The following NOL4L variants were observed in gnomAD, a reference collection of about 807,000 sequenced individuals.
The protein encoded by NOL4L is nucleolar protein 4 like, also known as nucleolar protein 4-like.
A neutral mutation model predicts 64.5 loss-of-function variants in NOL4L; 7 were observed. The observed-to-expected ratio is 0.11, with a 90% CI of 0.06 to 0.20. The LOEUF (loss-of-function observed/expected upper bound fraction) is 0.20, where lower values mean the gene tolerates loss of function less well. Ranked by LOEUF, NOL4L falls within the 10% of genes least tolerant of loss-of-function variation. The probability of loss-of-function intolerance (pLI) is 1.00; values close to 1 mark genes in which losing one functional copy is unlikely to be tolerated. For missense variants in NOL4L, 680 were observed against 967.1 expected, an observed-to-expected ratio of 0.70 and a Z score of 3.94; for synonymous variants, 413 against 401.0, an observed-to-expected ratio of 1.03 and a Z score of -0.36.
At chr20:32,474,834 G>T in intron 4 of NOL4L, 92 bp from the exon 5 acceptor site, 1 of 1,466,240 alleles carries the variant, frequency 6.8e-7, no homozygotes, top group Non-Finnish European at 9.1e-7. Flanking sequence ...GCCAGTGGGC[G>T]TTTGGGAGTG....
intron 6 of NOL4L, among the ~76,000 whole-genome samples, chr20:32,455,027 G>A (rs1468247876): frequency 2.0e-5 from 3 of 152,226 alleles, no homozygotes; most frequent in Admixed American, 6.5e-5. Context: ...GCAGGATGCC[G>A]AGGGCCCCCG....
rs1215758023 is a variant in NOL4L, at chr20:32,520,669, C to T, written c.589+142G>A. 14 of 467,628 alleles carry T rather than the reference C, an allele frequency of 3.0e-5. No homozygotes were observed. In the South Asian group the frequency reaches 5.7e-4, roughly 19 times the overall value. The allele number at this position is 467,628 out of a possible 1,614,324, so 29.0% of individuals were successfully genotyped here. On this transcript the variant is annotated intron_variant, in intron 3 of 10. Coordinates refer to ENST00000621426, the MANE Select transcript of NOL4L (RefSeq NM_001256798.2). ...AAACAAAACAAGGCGCTTTGGGCAG[C>T]ACCACGGACCCATACTGGCCTCTGG...
chr20:32,547,064 T>C (rs1188472431), intron 1 of NOL4L, among the ~76,000 whole-genome samples: 2 of 152,192 alleles, frequency 1.3e-5, no homozygotes, highest in Non-Finnish European at 2.9e-5. Flanking sequence ...CTGCCTTCCT[T>C]CTCTGTAACA....
intron 1 of NOL4L, among the ~76,000 whole-genome samples, chr20:32,555,363 G>C (rs1978585133): frequency 6.6e-6 from 1 of 152,082 alleles, no homozygotes; most frequent in Non-Finnish European, 1.5e-5. Flanking sequence ...ACAGGCTGGA[G>C]TGCAGTGCTC....
chr20:32,477,773 G>A (rs1024253801), intron 4 of NOL4L, among the ~76,000 whole-genome samples: 1 of 152,190 alleles, frequency 6.6e-6, no homozygotes, highest in Non-Finnish European at 1.5e-5. Context: ...CACAGCCAGG[G>A]TTTCTCTGGC....
rs10692885 is a variant in NOL4L at position 32,499,738 on chromosome 20, C to CAAAAAAAAA, written c.699+11600_699+11608dup. On this transcript the variant is annotated intron_variant, in intron 4 of 10. Transcript: ENST00000621426. Reference sequence around the variant, plus strand: ...TGGGCAACAGAGGGAGACCTTGTCTCAAAAAAAAAAAAAAAAAAAAAAGGA... The same window carrying CAAAAAAAAA: ...TGGGCAACAGAGGGAGACCTTGTCTCAAAAAAAAAAAAAAAAAAAAAAAAAAAAAAAGGA... Among the ~76,000 whole-genome samples, 278 of 51,274 alleles carry CAAAAAAAAA rather than the reference C, an allele frequency of 5.4e-3. 15 individuals carry two copies. The highest frequency in any genetic ancestry group is 0.018 in the African/African-American group (215 of 11,822). The allele number at this position is 51,274 out of a possible 152,430, so 33.6% of individuals were successfully genotyped here.
At chr20:32,531,917 G>A (rs187853652) in intron 1 of NOL4L, among the ~76,000 whole-genome samples, 1 of 152,252 alleles carries the variant, frequency 6.6e-6, no homozygotes, top group Admixed American at 6.5e-5. Context: ...CAGAAGAGAT[G>A]CACAGTCTTA....
chr20:32,509,864 C>T (rs1208931589), intron 4 of NOL4L: 1 of 1,304,262 alleles, frequency 7.7e-7, no homozygotes, highest in South Asian at 1.2e-5. Context: ...CGGTTTTGTG[C>T]TTCATTCTTC....
intron 1 of NOL4L, among the ~76,000 whole-genome samples, chr20:32,569,908 T>C (rs1237201413): frequency 6.6e-6 from 1 of 152,190 alleles, no homozygotes; most frequent in Non-Finnish European, 1.5e-5. Context: ...AACAAATCAA[T>C]GAATGAATGG....
chr20:32,578,767 C>A (rs1382419315), intron 1 of NOL4L, among the ~76,000 whole-genome samples: 1 of 152,200 alleles, frequency 6.6e-6, no homozygotes, highest in East Asian at 1.9e-4. Context: ...GCTACTTGCC[C>A]GTGGTCATGT....
intron 4 of NOL4L, chr20:32,475,247 C>T: frequency 1.0e-6 from 1 of 985,464 alleles, no homozygotes; most frequent in Non-Finnish European, 1.2e-6. Flanking sequence ...TTCTCCCACT[C>T]CCCCAGCCCA....
intron 4 of NOL4L, among the ~76,000 whole-genome samples, chr20:32,509,432 C>T (rs1437147217): frequency 5.5e-5 from 8 of 144,960 alleles, no homozygotes; most frequent in Non-Finnish European, 1.0e-4. Context: ...GCAGGAGAAT[C>T]ACTTGAACCC....
intron 4 of NOL4L, among the ~76,000 whole-genome samples, chr20:32,488,747 T>TCCTTCCTTCCTTCCTTCCTTCC (rs2016211280): frequency 9.4e-6 from 1 of 106,806 alleles, no homozygotes; most frequent in Admixed American, 9.9e-5. Flanking sequence ...CTTTCTTTCT[T>TCCTTCCTTCCTTCCTTCCTTCC]TTCCTTCCTT....
At chr20:32,527,529 C>A (rs1448640684) in intron 2 of NOL4L, among the ~76,000 whole-genome samples, 1 of 152,132 alleles carries the variant, frequency 6.6e-6, no homozygotes, top group East Asian at 1.9e-4. Context: ...CTCCCTCTCA[C>A]CCCCTTCAAC....
At chr20:32,475,131 C>A (rs1368115986) in intron 4 of NOL4L, 5 of 985,346 alleles carry the variant, frequency 5.1e-6, no homozygotes, top group Non-Finnish European at 6.0e-6. Flanking sequence ...GACCCGGCGG[C>A]AAGAAGCGGG....
At chr20:32,448,442 G>A (rs578115848) in intron 10 of NOL4L, among the ~76,000 whole-genome samples, 2 of 152,344 alleles carry the variant, frequency 1.3e-5, no homozygotes, top group African/African-American at 4.8e-5. Flanking sequence ...GGTTGTCTGG[G>A]GGGAGAGGTA....
chr20:32,552,281 T>G (rs1978344704), intron 1 of NOL4L, among the ~76,000 whole-genome samples: 1 of 151,938 alleles, frequency 6.6e-6, no homozygotes, highest in Admixed American at 6.5e-5. Context: ...ACCCAAGAAA[T>G]AACAGTGATT....
intron 1 of NOL4L, among the ~76,000 whole-genome samples, chr20:32,544,284 G>C (rs1402755946): frequency 5.3e-5 from 8 of 151,696 alleles, no homozygotes; most frequent in Non-Finnish European, 8.8e-5. Context: ...GCTGCTGGAA[G>C]GATGATGGGA....
At chr20:32,573,341 ACTGTGGC>A (rs1979885100) in intron 1 of NOL4L, among the ~76,000 whole-genome samples, 1 of 152,114 alleles carries the variant, frequency 6.6e-6, no homozygotes, top group Admixed American at 6.5e-5. Context: ...AGATGAGAAA[ACTGTGGC>A]TCAGAGAGGG....
Sources: allele counts gnomAD v4.1 joint callset (sites outside exome capture counted in the v4.1 genomes callset), GRCh38; gene constraint gnomAD v4.1.1; transcripts MANE v1.5; gene names NCBI Gene and HGNC (gene_info 2026-07-23, HGNC 2026-07-21).